Variants in C8orf89 observed in about 807,000 individuals in gnomAD.
C8orf89 encodes putative uncharacterized protein C8orf89.
Under a neutral mutation model 15.8 loss-of-function variants are expected in C8orf89, and 14 were observed. The observed-to-expected ratio is 0.89, with a 90% CI of 0.59 to 1.39. C8orf89 has a LOEUF of 1.39. Ranked by LOEUF, C8orf89 falls within the 40% of genes most tolerant of loss-of-function variation. The probability of loss-of-function intolerance (pLI) is 0.00; values close to 1 mark genes in which losing one functional copy is unlikely to be tolerated. For synonymous variants in C8orf89, 55 were observed against 62.2 expected, an observed-to-expected ratio of 0.88 and a Z score of 0.54; for missense variants, 181 against 184.5, an observed-to-expected ratio of 0.98 and a Z score of 0.11.
At chr8:73,244,142 G>T (rs538680600) in intron 3 of C8orf89, among the ~76,000 whole-genome samples, 3 of 152,146 alleles carry the variant, frequency 2.0e-5, no homozygotes, top group Admixed American at 1.3e-4. Context: ...AAGTAAAATT[G>T]TAAAGTAAAA....
At chr8:73,277,957 C>G in the C8orf89 span, 1 of 652,790 alleles carries the variant, frequency 1.5e-6, no homozygotes, top group South Asian at 1.4e-5. Context: ...TGTTGGCCAG[C>G]AACAATGCCA....
the C8orf89 span, among the ~76,000 whole-genome samples, chr8:73,282,254 A>C: frequency 6.1e-4 from 93 of 152,354 alleles, 3 homozygotes; most frequent in Middle Eastern, 0.024. Context: ...TCCAGTCCAG[A>C]AGAAAAAACA....
At chr8:73,245,310 A>T (rs35989813) in intron 3 of C8orf89, among the ~76,000 whole-genome samples, 10,692 of 152,328 alleles carry the variant, frequency 0.07, 384 homozygotes, top group South Asian at 0.081. Flanking sequence ...AAAACAAATC[A>T]TAATAAACAT....
At chr8:73,266,582 A>G in the C8orf89 span, among the ~76,000 whole-genome samples, 1 of 152,212 alleles carries the variant, frequency 6.6e-6, no homozygotes. Flanking sequence ...TCAGTAGGTG[A>G]ATGTTTATAT....
At chr8:73,285,214 C>G in the C8orf89 span, among the ~76,000 whole-genome samples, 11 of 152,178 alleles carry the variant, frequency 7.2e-5, 1 homozygote, top group African/African-American at 2.4e-4. Context: ...ACGTTCCCCC[C>G]ACTCCAGTTT....
the C8orf89 span, among the ~76,000 whole-genome samples, chr8:73,283,738 T>C: frequency 2.2e-4 from 34 of 152,274 alleles, no homozygotes; most frequent in Non-Finnish European, 4.3e-4. Context: ...ACTGTTCCCA[T>C]GTGTAAGAAT....
At chr8:73,279,115 ATT>A in the C8orf89 span, among the ~76,000 whole-genome samples, 3 of 152,062 alleles carry the variant, frequency 2.0e-5, no homozygotes, top group East Asian at 3.9e-4. Context: ...AAAAATTTAA[ATT>A]TTTTTCTATG....
chr8:73,249,185 G>T (rs1813193122), intron 3 of C8orf89, among the ~76,000 whole-genome samples: 1 of 152,096 alleles, frequency 6.6e-6, no homozygotes, highest in African/African-American at 2.4e-5. Flanking sequence ...TAATCATGTG[G>T]TTTTTGTCTT....
chr8:73,262,318 A>G (rs539915559), upstream of C8orf89, among the ~76,000 whole-genome samples: 1 of 152,102 alleles, frequency 6.6e-6, no homozygotes, highest in Non-Finnish European at 1.5e-5. Context: ...TCCAGCGGAC[A>G]TCTGCATTTC....
intron 2 of C8orf89, among the ~76,000 whole-genome samples, chr8:73,256,559 C>T (rs1290701264): frequency 4.0e-5 from 6 of 151,610 alleles, no homozygotes; most frequent in African/African-American, 1.2e-4. Flanking sequence ...GAAACTCCGT[C>T]TCTACTAAAA....
At chr8:73,241,649 A>C (rs1813009711) in intron 3 of C8orf89, 44 bp from the exon 4 acceptor site, 3 of 1,396,912 alleles carry the variant, frequency 2.1e-6, no homozygotes, top group Non-Finnish European at 2.8e-6. Context: ...TGAATTAAGC[A>C]CACATGAATA....
the C8orf89 span, chr8:73,277,361 A>AT: frequency 3.1e-6 from 3 of 975,654 alleles, no homozygotes; most frequent in African/African-American, 1.6e-5. Flanking sequence ...TCACACGATC[A>AT]TTTTTTCTCT....
At chr8:73,259,251 C>T in intron 1 of C8orf89, 81 bp downstream of exon 1, 4 of 916,358 alleles carry the variant, frequency 4.4e-6, no homozygotes, top group South Asian at 5.1e-5. Context: ...GAAAATGTCC[C>T]TTGCCTGATG....
the C8orf89 span, among the ~76,000 whole-genome samples, chr8:73,272,568 T>A: frequency 2.0e-5 from 3 of 152,180 alleles, no homozygotes; most frequent in Non-Finnish European, 2.9e-5. Flanking sequence ...ACTCGTCATT[T>A]ACATTAGGTA....
intron 2 of C8orf89, among the ~76,000 whole-genome samples, chr8:73,256,130 AAAT>A (rs71268002): frequency 0.094 from 13,923 of 147,912 alleles, 1,221 homozygotes; most frequent in African/African-American, 0.23. Flanking sequence ...AATAAATAAC[AAAT>A]AATAATAATA....
chr8:73,282,874 A>C, the C8orf89 span, among the ~76,000 whole-genome samples: 1 of 152,208 alleles, frequency 6.6e-6, no homozygotes, highest in Admixed American at 6.5e-5. Context: ...GAGGTGACTG[A>C]GAATTATGGA....
At chr8:73,275,684 T>A in the C8orf89 span, among the ~76,000 whole-genome samples, 4 of 152,198 alleles carry the variant, frequency 2.6e-5, no homozygotes, top group African/African-American at 9.7e-5. Context: ...TGTACAGGGT[T>A]TTGTTTTATT....
the C8orf89 span, among the ~76,000 whole-genome samples, chr8:73,272,182 A>G: frequency 6.6e-6 from 1 of 152,110 alleles, no homozygotes; most frequent in Admixed American, 6.5e-5. Context: ...TGGCAATTCA[A>G]TTAATTCCTA....
the C8orf89 span, among the ~76,000 whole-genome samples, chr8:73,283,715 T>C: frequency 6.6e-6 from 1 of 152,188 alleles, no homozygotes; most frequent in Non-Finnish European, 1.5e-5. Flanking sequence ...CTTCAAGGAA[T>C]TTATTCTGTA....
Sources: allele counts gnomAD v4.1 joint callset (sites outside exome capture counted in the v4.1 genomes callset), GRCh38; gene constraint gnomAD v4.1.1; transcripts MANE v1.5; gene names NCBI Gene and HGNC (gene_info 2026-07-23, HGNC 2026-07-21).